Variants in SLC5A4 observed in about 807,000 individuals in gnomAD.
SLC5A4 encodes probable glucose sensor protein SLC5A4.
In SLC5A4, 55 loss-of-function variants were observed where a neutral mutation model predicts 70.3. The ratio of observed to expected loss-of-function variants is 0.78; its 90% CI spans 0.63 to 0.98. The LOEUF (loss-of-function observed/expected upper bound fraction) is 0.98. SLC5A4 is among the 50% of genes least tolerant of loss of function. SLC5A4 has a pLI of 0.00. For synonymous variants in SLC5A4, 268 were observed against 305.7 expected, an observed-to-expected ratio of 0.88 and a Z score of 1.29; for missense variants, 735 against 839.2, an observed-to-expected ratio of 0.88 and a Z score of 1.53.
At chr22:32,274,037 T>C in the SLC5A4 span, among the ~76,000 whole-genome samples, 1 of 146,372 alleles carries the variant, frequency 6.8e-6, no homozygotes, top group Admixed American at 6.9e-5. Context: ...ACATTTGATA[T>C]TCTATTTTTT....
At chr22:32,297,788 T>A in the SLC5A4 span, among the ~76,000 whole-genome samples, 15 of 119,372 alleles carry the variant, frequency 1.3e-4, no homozygotes, top group African/African-American at 4.7e-4. Flanking sequence ...CTTGTGGGCA[T>A]TTAGTGCTAT....
At chr22:32,351,370 T>C in the SLC5A4 span, among the ~76,000 whole-genome samples, 1 of 151,986 alleles carries the variant, frequency 6.6e-6, no homozygotes, top group Non-Finnish European at 1.5e-5. Flanking sequence ...ACTGATTTTT[T>C]CCTCATCTCT....
the SLC5A4 span, among the ~76,000 whole-genome samples, chr22:32,288,569 T>G: frequency 6.6e-6 from 1 of 152,174 alleles, no homozygotes; most frequent in Non-Finnish European, 1.5e-5. Flanking sequence ...TTGTTTTTGT[T>G]TTTGAGTTGG....
In SLC5A4 at chr22:32,242,196, G is replaced by A. The variant is rs117949626; in HGVS notation, c.478-3106C>T. Among the ~76,000 whole-genome samples, 50 of 152,196 alleles carry A rather than the reference G, an allele frequency of 3.3e-4. No individual in the cohort carries two copies. In the East Asian group the frequency reaches 7.1e-3, roughly 22 times the overall value. ...TCCACCCAATAAGCACACTTAGCAC[G>A]CAGATTTTTGTTTCTAATACCCCTC... is the stretch of plus-strand genomic sequence containing the variant. On this transcript the variant is annotated intron_variant, in intron 5 of 14. Transcript: ENST00000266086.
chr22:32,321,217 C>T, the SLC5A4 span, among the ~76,000 whole-genome samples: 6,713 of 152,210 alleles, frequency 0.044, 211 homozygotes, highest in African/African-American at 0.091. Flanking sequence ...ACCCAGGAGG[C>T]GGAGGTTGCG....
At chr22:32,328,259 T>C in the SLC5A4 span, among the ~76,000 whole-genome samples, 13 of 152,218 alleles carry the variant, frequency 8.5e-5, no homozygotes, top group Middle Eastern at 3.4e-3. Flanking sequence ...TATGCAGCCC[T>C]AAGACAGCCT....
the SLC5A4 span, among the ~76,000 whole-genome samples, chr22:32,347,368 G>A: frequency 6.6e-6 from 1 of 152,024 alleles, no homozygotes; most frequent in Non-Finnish European, 1.5e-5. Context: ...TATACCCAAA[G>A]GATTATAAAT....
intron 13 of SLC5A4, among the ~76,000 whole-genome samples, chr22:32,222,030 G>A (rs1445660957): frequency 3.3e-5 from 5 of 152,152 alleles, no homozygotes; most frequent in African/African-American, 4.8e-5. Context: ...GTGCTGGGAT[G>A]ACAGGCGTGA....
At chr22:32,268,680 C>A in the SLC5A4 span, 11 of 152,176 alleles carry the variant, frequency 7.2e-5, no homozygotes, top group Admixed American at 2.0e-4. Context: ...TGAATTCTGG[C>A]ACCTGAAATA....
the SLC5A4 span, among the ~76,000 whole-genome samples, chr22:32,324,549 A>G: frequency 6.6e-6 from 1 of 152,092 alleles, no homozygotes; most frequent in Non-Finnish European, 1.5e-5. Flanking sequence ...AAACTCCTAC[A>G]CATCCTTCAA....
At position 32,232,684 on chromosome 22, in the gene SLC5A4, C is replaced by T. The variant is rs557070512; in HGVS notation, c.1021+215G>A. Among the ~76,000 whole-genome samples the T allele has an allele frequency of 7.9e-5, 12 of 152,100 alleles. No homozygotes were observed. The East Asian group carries it at 1.9e-3, about 25-fold the overall frequency. Reference sequence around the variant, plus strand: ...CGGAACTCACAGACTCAAATGTCTACGAGATAGGCAGATGGTATGAAGAGG... The same window carrying T: ...CGGAACTCACAGACTCAAATGTCTATGAGATAGGCAGATGGTATGAAGAGG... On this transcript the variant is annotated intron_variant, in intron 9 of 14. Transcript: ENST00000266086.
At chr22:32,273,124 G>C in the SLC5A4 span, 1 of 457,200 alleles carries the variant, frequency 2.2e-6, no homozygotes, top group African/African-American at 2.0e-5. Context: ...CATGGATGTC[G>C]CTGCCACCAC....
chr22:32,301,286 T>C, the SLC5A4 span, among the ~76,000 whole-genome samples: 2 of 152,194 alleles, frequency 1.3e-5, no homozygotes, highest in African/African-American at 2.4e-5. Flanking sequence ...AAAGAAACTA[T>C]CAAACTGTTT....
At chr22:32,319,924 G>A in the SLC5A4 span, among the ~76,000 whole-genome samples, 5 of 151,510 alleles carry the variant, frequency 3.3e-5, no homozygotes, top group East Asian at 9.9e-4. Flanking sequence ...ACTCAATTAA[G>A]ATGAACTGAA....
At chr22:32,251,959 G>C (rs905392437) in intron 2 of SLC5A4, 85 bp from the exon 3 acceptor site, 1 of 985,754 alleles carries the variant, frequency 1.0e-6, no homozygotes, top group South Asian at 1.3e-5. Flanking sequence ...GCTGGGCGTG[G>C]TGGCTCACGC....
chr22:32,239,128 A>G, intron 5 of SLC5A4, 38 bp from the exon 6 acceptor site: 1 of 1,480,874 alleles, frequency 6.8e-7, no homozygotes. Context: ...AGAAACATGC[A>G]TTTGAGGCCA....
chr22:32,285,059 C>CATA, the SLC5A4 span: 1 of 152,062 alleles, frequency 6.6e-6, no homozygotes, highest in African/African-American at 2.4e-5. Context: ...AAAACAGTAT[C>CATA]ATATATTTTA....
the SLC5A4 span, among the ~76,000 whole-genome samples, chr22:32,324,244 T>C: frequency 2.8e-5 from 4 of 143,054 alleles, no homozygotes; most frequent in East Asian, 8.2e-4. Flanking sequence ...TACATATGTA[T>C]GTGTATATAT....
At chr22:32,328,183 G>A in the SLC5A4 span, among the ~76,000 whole-genome samples, 4 of 152,034 alleles carry the variant, frequency 2.6e-5, no homozygotes, top group African/African-American at 9.6e-5. Context: ...TCTGCCCTCA[G>A]TTCCCCCATC....
Sources: gnomAD v4.1 joint callset for allele counts (sites outside exome capture counted in the v4.1 genomes callset) on GRCh38, gnomAD v4.1.1 for gene constraint, MANE v1.5 for transcripts, NCBI Gene and HGNC (gene_info 2026-07-23, HGNC 2026-07-21) for gene names.